The following SPOCK1 variants were observed in gnomAD, a reference collection of about 807,000 sequenced individuals.
The protein encoded by SPOCK1 is testican-1.
SPOCK1 carries 23 observed loss-of-function variants against 55.3 expected under a neutral mutation model. The observed-to-expected ratio is 0.42, with a 90% CI of 0.30 to 0.59. The LOEUF (loss-of-function observed/expected upper bound fraction) is 0.59. Among genes scored for constraint, SPOCK1 ranks in the 20% least tolerant of loss-of-function variants. The pLI is 0.22. For missense variants in SPOCK1, 499 were observed against 552.5 expected, an observed-to-expected ratio of 0.90 and a Z score of 0.97; for synonymous variants, 226 against 221.0, an observed-to-expected ratio of 1.02 and a Z score of -0.20.
intron 3 of SPOCK1, among the ~76,000 whole-genome samples, chr5:137,163,989 G>T (rs867773085): frequency 4.6e-5 from 7 of 152,084 alleles, no homozygotes; most frequent in Non-Finnish European, 8.8e-5. Context: ...TGGAGTAAGG[G>T]CCACCTTGTT....
chr5:137,071,706 A>C (rs879511873), intron 5 of SPOCK1, among the ~76,000 whole-genome samples: 1 of 152,166 alleles, frequency 6.6e-6, no homozygotes, highest in Non-Finnish European at 1.5e-5. Context: ...AAGGGTTGAG[A>C]GTGTGAAGCT....
In SPOCK1 at chr5:137,140,572, T is replaced by A; in HGVS notation, c.347+8A>T. ...CCCAGCCCCCAGCCCCCGGCCTTCC[T>A]GCCTTACCTGGGGAGCAGGTGCTTG... On this transcript the variant is annotated splice_region_variant and intron_variant, in intron 4 of 10. Coordinates refer to ENST00000394945, the MANE Select transcript of SPOCK1 (RefSeq NM_004598.4). 6.2e-7 allele frequency: 1 copy of A among 1,610,294 alleles called. No individual in the cohort carries two copies. The highest frequency in any genetic ancestry group is 1.1e-5 in the South Asian group (1 of 90,346).
chr5:137,179,813 T>C (rs1365386525), intron 3 of SPOCK1, among the ~76,000 whole-genome samples: 1 of 152,176 alleles, frequency 6.6e-6, no homozygotes. Context: ...AGACTGTCCC[T>C]ACTACTTCCT....
intron 2 of SPOCK1, among the ~76,000 whole-genome samples, chr5:137,497,648 A>AG (rs1323793123): frequency 6.6e-6 from 1 of 152,176 alleles, no homozygotes; most frequent in African/African-American, 2.4e-5. Context: ...ACAGGCCGCA[A>AG]GTGTGTTTCT....
intron 2 of SPOCK1, among the ~76,000 whole-genome samples, chr5:137,462,672 C>A (rs1561542141): frequency 6.6e-6 from 1 of 152,210 alleles, no homozygotes; most frequent in South Asian, 2.1e-4. Context: ...AGAATGGTGT[C>A]TAGCATATTA....
At chr5:137,039,194 G>A (rs776940865) in intron 6 of SPOCK1, among the ~76,000 whole-genome samples, 3 of 149,224 alleles carry the variant, frequency 2.0e-5, no homozygotes, top group Non-Finnish European at 4.4e-5. Context: ...ACAGGTAAAG[G>A]ATTTGTTAAA....
chr5:137,122,717 G>T (rs1159313904), intron 4 of SPOCK1, among the ~76,000 whole-genome samples: 2 of 152,214 alleles, frequency 1.3e-5, no homozygotes, highest in Non-Finnish European at 2.9e-5. Flanking sequence ...GGCCAGAGCA[G>T]CTGGGAAAGC....
At chr5:137,160,202 C>T (rs773582935) in intron 3 of SPOCK1, among the ~76,000 whole-genome samples, 3 of 151,032 alleles carry the variant, frequency 2.0e-5, no homozygotes, top group Admixed American at 6.7e-5. Context: ...TCAGTGAGAA[C>T]ATACGATGTT....
At chr5:137,287,347 C>T (rs1318283017) in intron 2 of SPOCK1, among the ~76,000 whole-genome samples, 3 of 152,182 alleles carry the variant, frequency 2.0e-5, no homozygotes, top group Admixed American at 6.5e-5. Context: ...CCAAACACCA[C>T]CAGAAGCGCC....
chr5:137,066,394 C>T (rs1752505485), intron 6 of SPOCK1, among the ~76,000 whole-genome samples: 1 of 152,322 alleles, frequency 6.6e-6, no homozygotes, highest in African/African-American at 2.4e-5. Context: ...TCACCTTGGT[C>T]TCCCAAAGTG....
chr5:137,249,861 T>A (rs537452438), intron 3 of SPOCK1, among the ~76,000 whole-genome samples: 56 of 152,348 alleles, frequency 3.7e-4, no homozygotes, highest in South Asian at 1.7e-3. Flanking sequence ...TACAGATTTT[T>A]TTTTTAAGAA....
chr5:136,995,853 GC>G (rs1413644949), intron 6 of SPOCK1, among the ~76,000 whole-genome samples: 1 of 152,174 alleles, frequency 6.6e-6, no homozygotes, highest in African/African-American at 2.4e-5. Flanking sequence ...AAGTCCACTA[GC>G]AGGGAGCCAC....
At chr5:137,498,301 C>A in intron 2 of SPOCK1, 72 bp downstream of exon 2, 1 of 1,402,094 alleles carries the variant, frequency 7.1e-7, no homozygotes, top group South Asian at 1.4e-5. Context: ...CACACACACA[C>A]CCCAACCCCG....
intron 2 of SPOCK1, among the ~76,000 whole-genome samples, chr5:137,467,380 G>C (rs1241943677): frequency 6.6e-6 from 1 of 152,196 alleles, no homozygotes; most frequent in Non-Finnish European, 1.5e-5. Context: ...AAGTCTTCAC[G>C]ATGAGCTTCC....
intron 5 of SPOCK1, among the ~76,000 whole-genome samples, chr5:137,087,759 A>T (rs538407855): frequency 6.6e-6 from 1 of 152,358 alleles, no homozygotes; most frequent in African/African-American, 2.4e-5. Context: ...CAGAGGTTTT[A>T]GGAAAGGTTT....
At chr5:137,160,440 G>A (rs1398773369) in intron 3 of SPOCK1, among the ~76,000 whole-genome samples, 2 of 119,336 alleles carry the variant, frequency 1.7e-5, no homozygotes, top group African/African-American at 6.3e-5. Flanking sequence ...TATATTATAT[G>A]TTGTATATAT....
intron 2 of SPOCK1, among the ~76,000 whole-genome samples, chr5:137,479,443 T>C (rs1048546672): frequency 6.6e-6 from 1 of 152,196 alleles, no homozygotes; most frequent in African/African-American, 2.4e-5. Flanking sequence ...CAGAAGGGGA[T>C]GCCCTTGGGA....
intron 3 of SPOCK1, among the ~76,000 whole-genome samples, chr5:137,194,541 C>T (rs545413602): frequency 4.6e-5 from 7 of 152,218 alleles, no homozygotes; most frequent in Admixed American, 2.0e-4. Context: ...TCTCAGGACT[C>T]GGCCCTGTGC....
chr5:137,485,920 T>A (rs1754045563), intron 2 of SPOCK1, among the ~76,000 whole-genome samples: 1 of 152,202 alleles, frequency 6.6e-6, no homozygotes, highest in Admixed American at 6.5e-5. Context: ...ATCTGGCTGT[T>A]TGGGTGTGTT....
Sources: gnomAD v4.1 joint callset for allele counts (sites outside exome capture counted in the v4.1 genomes callset) on GRCh38, gnomAD v4.1.1 for gene constraint, MANE v1.5 for transcripts, NCBI Gene and HGNC (gene_info 2026-07-23, HGNC 2026-07-21) for gene names.